ZNF821: variants seen among roughly 807,000 people sequenced by gnomAD.
The protein encoded by ZNF821 is zinc finger protein 821.
In ZNF821, 16 loss-of-function variants were observed where a neutral mutation model predicts 44.3. The observed-to-expected ratio is 0.36, with a 90% confidence interval of 0.24 to 0.55. The LOEUF (loss-of-function observed/expected upper bound fraction) is 0.55. Ranked by LOEUF, ZNF821 falls within the 20% of genes least tolerant of loss-of-function variation. ZNF821 has a pLI of 0.86. For missense variants in ZNF821, 436 were observed against 547.6 expected (o/e 0.80, Z 2.03); for synonymous variants, 204 against 197.6 (o/e 1.03, Z -0.27).
chr16:71,867,785 C>T lies in ZNF821; in HGVS notation c.166+127G>A, dbSNP rs375414497. The T allele has an allele frequency of 9.2e-6, 12 of 1,308,026 alleles. 1 individual carries two copies. Among genetic ancestry groups the T allele is most frequent in the Non-Finnish European group, 1.2e-5 (12 of 977,230 alleles). The allele number at this position is 1,308,026 out of a possible 1,614,324, so 81.0% of individuals were successfully genotyped here. On this transcript the variant is annotated intron_variant, in intron 4 of 7. Transcript: ENST00000425432. ...ACACCTTAGACCACCTTTGGGGACA[C>T]TGAGGATCCACATATCTCCTTTTTC...
In ZNF821 at chr16:71,859,854, G is replaced by T; in HGVS notation, c.*164C>A. 3 of 775,948 alleles carry T rather than the reference G, an allele frequency of 3.9e-6. No homozygotes were observed. Among genetic ancestry groups the T allele is most frequent in the Non-Finnish European group, 6.0e-6 (3 of 498,374 alleles). 48.1% of individuals were successfully genotyped at this position (775,948 alleles called of 1,614,324 possible). ...AGGTCCCTCCTGACCCCATCATCCTGTTCCCATATGCAAGGGCTGCTCAGG... is the reference window on the plus strand; with the variant it reads ...AGGTCCCTCCTGACCCCATCATCCTTTTCCCATATGCAAGGGCTGCTCAGG... On this transcript the variant is annotated 3_prime_UTR_variant, in exon 8 of 8. Transcript: ENST00000425432.
intron 1 of ZNF821, among the ~76,000 whole-genome samples, chr16:71,890,850 C>T (rs552797642): frequency 1.4e-5 from 2 of 139,536 alleles, no homozygotes; most frequent in African/African-American, 2.7e-5. Flanking sequence ...CGGCTCACTG[C>T]AAGCTCCGCC....
intron 1 of ZNF821, among the ~76,000 whole-genome samples, chr16:71,892,178 C>CAGAAA (rs2036889918): frequency 3.1e-5 from 1 of 31,938 alleles, no homozygotes; most frequent in African/African-American, 8.7e-5. Flanking sequence ...AACTCCGTCT[C>CAGAAA]AAAAAAAAAA....
intron 3 of ZNF821, among the ~76,000 whole-genome samples, chr16:71,868,822 A>C (rs1438875149): frequency 1.3e-5 from 2 of 149,764 alleles, no homozygotes; most frequent in African/African-American, 5.0e-5. Flanking sequence ...CTCCATGCCC[A>C]GCTAATTTTT....
chr16:71,873,956 A>ATTTTTTTTTT (rs138380961), intron 3 of ZNF821, among the ~76,000 whole-genome samples: 1 of 123,272 alleles, frequency 8.1e-6, no homozygotes, highest in African/African-American at 3.1e-5. Flanking sequence ...CCCGGCTGGA[A>ATTTTTTTTTT]TTTTTTTTTT....
At position 71,867,920 on chromosome 16, in the gene ZNF821, G is replaced by A. The variant is rs1390280481; in HGVS notation, c.158C>T (p.Ser53Phe). The change falls in exon 4 of 8, where the codon TCC becomes TTC. Residue 53 changes from serine to phenylalanine, a missense_variant. Around this residue, in one of 5 missense-constraint regions of ZNF821, gnomAD observed 238 missense variants for 281.4 expected, o/e 0.85. Transcript: ENST00000425432. Reference sequence around the variant, plus strand: ...GAAGGTGCAGAACTCACTGCTACTGGAGTCCTGATCTCTTAGTTGTTGGAT... The same window carrying A: ...GAAGGTGCAGAACTCACTGCTACTGAAGTCCTGATCTCTTAGTTGTTGGAT... Reference protein sequence around the residue: ...QAIQQLRDQDSSSSDSEGDEE... With the variant: ...QAIQQLRDQDFSSSDSEGDEE... 6 of 1,535,910 alleles carry A rather than the reference G, an allele frequency of 3.9e-6. No homozygotes were observed. The highest frequency in any genetic ancestry group is 1.7e-4 in the Middle Eastern group (1 of 5,990).
intron 4 of ZNF821, among the ~76,000 whole-genome samples, chr16:71,865,414 C>G (rs1360579006): frequency 6.6e-6 from 1 of 152,150 alleles, no homozygotes; most frequent in Non-Finnish European, 1.5e-5. Context: ...TCTGACTTAC[C>G]AACACTTTCC....
At chr16:71,893,702 A>G (rs1030585136) in intron 1 of ZNF821, among the ~76,000 whole-genome samples, 1 of 143,470 alleles carries the variant, frequency 7.0e-6, no homozygotes, top group African/African-American at 2.6e-5. Context: ...CAGGTGATCC[A>G]CCCGCCTCGG....
At chr16:71,873,461 G>A (rs2035447103) in intron 3 of ZNF821, among the ~76,000 whole-genome samples, 1 of 152,090 alleles carries the variant, frequency 6.6e-6, no homozygotes, top group African/African-American at 2.4e-5. Flanking sequence ...TCTGTAACGA[G>A]TCTGTTAATG....
upstream of ZNF821, among the ~76,000 whole-genome samples, chr16:71,887,527 C>A (rs576797011): frequency 6.6e-6 from 1 of 152,200 alleles, no homozygotes; most frequent in African/African-American, 2.4e-5. Context: ...TCCCAAAGTG[C>A]TGGGATTACA....
At chr16:71,886,708 C>T (rs2036856717), upstream of ZNF821, among the ~76,000 whole-genome samples, 1 of 152,124 alleles carries the variant, frequency 6.6e-6, no homozygotes, top group African/African-American at 2.4e-5. Flanking sequence ...TTAAAGTGTA[C>T]AATTCAGTGG....
At position 71,865,726 on chromosome 16, in the gene ZNF821, A is replaced by T. The variant is rs2034463517; in HGVS notation, c.167-678T>A. On this transcript the variant is annotated intron_variant, in intron 4 of 7. Coordinates refer to ENST00000425432, the MANE Select transcript of ZNF821 (RefSeq NM_001201552.2). Reference sequence around the variant, plus strand: ...TCTACTATTGTAACATGGCATTCTAAACTAAGTAAGTCCATTGTTTCTGTT... The same window carrying T: ...TCTACTATTGTAACATGGCATTCTATACTAAGTAAGTCCATTGTTTCTGTT... Among the ~76,000 whole-genome samples the T allele has an allele frequency of 2.0e-5, 3 of 152,312 alleles. No homozygotes were observed. In the East Asian group the frequency reaches 5.8e-4, roughly 29 times the overall value.
At chr16:71,890,193 G>C (rs562277438) in intron 1 of ZNF821, among the ~76,000 whole-genome samples, 1 of 151,922 alleles carries the variant, frequency 6.6e-6, no homozygotes, top group Non-Finnish European at 1.5e-5. Context: ...CTAGGCTTTA[G>C]GAAGATGTCC....
intron 6 of ZNF821, among the ~76,000 whole-genome samples, chr16:71,862,790 C>T (rs929603050): frequency 1.3e-5 from 2 of 152,154 alleles, no homozygotes; most frequent in East Asian, 3.8e-4. Context: ...TCAACACCGA[C>T]CAGGAGGTAC....
rs1286282169 is a variant in ZNF821 at position 71,864,238 on chromosome 16, G to A, written c.317C>T (p.Thr106Ile). 1 of 1,613,932 alleles carries A rather than the reference G, an allele frequency of 6.2e-7. No individual in the cohort carries two copies. The highest frequency in any genetic ancestry group is 1.3e-5 in the African/African-American group (1 of 74,936). ...GGNEVVEHEV[T>I]GNLNSDPLLE... ...CAAGGGGTCAGAATTCAAATTCCCT[G>A]TGACCTGTGATTCAACAAATAGGCA... Residue 106 changes from threonine to isoleucine, a missense_variant, in exon 6 of 8, where the codon ACA becomes ATA. This residue lies in a region of ZNF821 where 238 missense variants were observed against 281.4 expected (regional missense o/e 0.85). Transcript: ENST00000425432.
At chr16:71,895,137 G>C (rs2036935000) in exon 1 of ZNF821, 2 of 292,620 alleles carry the variant, frequency 6.8e-6, no homozygotes, top group African/African-American at 2.2e-5. Context: ...GCAGATCTTA[G>C]GGAGCAACTC....
chr16:71,894,775 A>G (rs975069428), intron 1 of ZNF821: 1 of 1,310,200 alleles, frequency 7.6e-7, no homozygotes, highest in African/African-American at 1.5e-5. Flanking sequence ...GGCTCAAGCG[A>G]TCCTCCCGCC....
chr16:71,872,111 G>A (rs2035264164), intron 3 of ZNF821, among the ~76,000 whole-genome samples: 1 of 152,074 alleles, frequency 6.6e-6, no homozygotes, highest in Non-Finnish European at 1.5e-5. Context: ...GATTACAGGA[G>A]TGAGCCACTG....
upstream of ZNF821, among the ~76,000 whole-genome samples, chr16:71,887,283 C>G (rs112010590): frequency 2.1e-5 from 3 of 142,892 alleles, no homozygotes; most frequent in Non-Finnish European, 3.0e-5. Context: ...TTTTTGAGAC[C>G]GAGTCTTGCT....
Sources: gnomAD v4.1 joint callset for allele counts (sites outside exome capture counted in the v4.1 genomes callset) on GRCh38, gnomAD v4.1.1 for gene constraint, gnomAD v4.1.1 regional missense constraint, MANE v1.5 for transcripts, NCBI Gene and HGNC (gene_info 2026-07-23, HGNC 2026-07-21) for gene names.